The following GRK7 variants were observed in gnomAD, a reference collection of about 807,000 sequenced individuals.
The protein encoded by GRK7 is G protein-coupled receptor kinase 7.
In GRK7, 24 loss-of-function variants were observed where a neutral mutation model predicts 34.1. That is an observed-to-expected ratio of 0.70 (90% CI 0.51 to 0.99). The LOEUF is 0.99. Among genes scored for constraint, GRK7 ranks in the 50% least tolerant of loss-of-function variants. The pLI, the probability that GRK7 is intolerant of heterozygous loss-of-function variation, is 0.00. For missense variants in GRK7, 644 were observed against 707.3 expected (o/e 0.91, Z 1.02); for synonymous variants, 256 against 279.4 (o/e 0.92, Z 0.84).
chr3:141,793,856 C>T (rs951955454), intron 4 of GRK7, among the ~76,000 whole-genome samples: 3 of 152,174 alleles, frequency 2.0e-5, no homozygotes, highest in African/African-American at 7.2e-5. Flanking sequence ...TCCTTTCATG[C>T]TCTATTTTTC....
the GRK7 span, among the ~76,000 whole-genome samples, chr3:141,757,129 C>CTTT: frequency 3.3e-3 from 330 of 101,150 alleles, no homozygotes; most frequent in Non-Finnish European, 3.9e-3. Context: ...AGATCTTCTT[C>CTTT]TTTTTTTTTT....
chr3:141,792,445 G>C (rs1022494458), intron 4 of GRK7, among the ~76,000 whole-genome samples: 1 of 149,604 alleles, frequency 6.7e-6, no homozygotes, highest in African/African-American at 2.5e-5. Flanking sequence ...ATTCAAATAA[G>C]TATTAAATAT....
chr3:141,768,414 A>G (rs2084600174), intron 1 of GRK7, among the ~76,000 whole-genome samples: 1 of 151,768 alleles, frequency 6.6e-6, no homozygotes, highest in South Asian at 2.1e-4. Context: ...GGTAGCTGGG[A>G]TTACAGGCAC....
At chr3:141,791,255 A>C (rs559192266) in intron 4 of GRK7, among the ~76,000 whole-genome samples, 1 of 152,334 alleles carries the variant, frequency 6.6e-6, no homozygotes, top group South Asian at 2.1e-4. Flanking sequence ...ACCAAATACA[A>C]TGCTAGAGAC....
chr3:141,776,333 A>G (rs2084638772), intron 2 of GRK7, among the ~76,000 whole-genome samples: 1 of 152,156 alleles, frequency 6.6e-6, no homozygotes, highest in Non-Finnish European at 1.5e-5. Flanking sequence ...ATATGTATAT[A>G]TCTGTGATAT....
intron 4 of GRK7, among the ~76,000 whole-genome samples, chr3:141,789,477 G>A (rs1445273615): frequency 6.6e-6 from 1 of 152,060 alleles, no homozygotes; most frequent in Non-Finnish European, 1.5e-5. Flanking sequence ...GGCGCTCACT[G>A]GACAACTCAG....
Position 141,801,600 on chromosome 3 carries a change from A to G in GRK7, c.1051-6045A>G, listed in dbSNP as rs80123466. Among the ~76,000 whole-genome samples, 148 of 152,308 alleles carry G rather than the reference A, an allele frequency of 9.7e-4. 1 individual carries two copies. In the East Asian group the frequency reaches 0.021, roughly 21 times the overall value. Reference sequence around the variant, plus strand: ...AATTTTACTTTTAAAAGTTTATAGGACAGTTGGTATACAAATATGTCCAGA... The same window carrying G: ...AATTTTACTTTTAAAAGTTTATAGGGCAGTTGGTATACAAATATGTCCAGA... On this transcript the variant is annotated intron_variant, in intron 4 of 5. Coordinates refer to ENST00000682958, the MANE Select transcript of GRK7 (RefSeq NM_139209.3).
the GRK7 span, among the ~76,000 whole-genome samples, chr3:141,752,900 T>G: frequency 6.6e-6 from 1 of 152,176 alleles, no homozygotes; most frequent in Non-Finnish European, 1.5e-5. Context: ...AGGGACACAG[T>G]GAGAAGGCAG....
intron 4 of GRK7, among the ~76,000 whole-genome samples, chr3:141,798,303 G>A (rs912395883): frequency 2.0e-5 from 3 of 152,228 alleles, no homozygotes; most frequent in South Asian, 2.1e-4. Context: ...ACTGCCAGGC[G>A]TGCTAAACCC....
chr3:141,804,630 C>T (rs968404429), intron 4 of GRK7, among the ~76,000 whole-genome samples: 1 of 151,036 alleles, frequency 6.6e-6, no homozygotes, highest in Non-Finnish European at 1.5e-5. Flanking sequence ...CATACATACA[C>T]ACACTCACAC....
chr3:141,806,916 T>A (rs1016561254), intron 4 of GRK7, among the ~76,000 whole-genome samples: 1 of 151,810 alleles, frequency 6.6e-6, no homozygotes, highest in Admixed American at 6.6e-5. Flanking sequence ...TATAAATAGA[T>A]ATGTCTTATA....
At chr3:141,801,259 C>G (rs934811252) in intron 4 of GRK7, among the ~76,000 whole-genome samples, 26 of 135,940 alleles carry the variant, frequency 1.9e-4, no homozygotes, top group African/African-American at 7.5e-4. Flanking sequence ...TGCAGTGAGC[C>G]AAGATTGCGC....
chr3:141,770,629 A>G (rs60059388), intron 1 of GRK7, among the ~76,000 whole-genome samples: 13,096 of 152,138 alleles, frequency 0.086, 1,855 homozygotes, highest in African/African-American at 0.3. Flanking sequence ...AAGAAGACAT[A>G]TAAATGGCCA....
chr3:141,809,729 C>T (rs760749168), intron 5 of GRK7, among the ~76,000 whole-genome samples: 5 of 151,994 alleles, frequency 3.3e-5, no homozygotes, highest in Non-Finnish European at 5.9e-5. Context: ...GAAAAAAAGA[C>T]GTAAAAGTTG....
At chr3:141,780,898 C>T in intron 4 of GRK7, 87 bp downstream of exon 4, 1 of 1,200,076 alleles carries the variant, frequency 8.3e-7, no homozygotes, top group Admixed American at 2.8e-5. Flanking sequence ...GCAAATAGAG[C>T]CTTGGACTTA....
chr3:141,760,698 T>C (rs934722874), upstream of GRK7, among the ~76,000 whole-genome samples: 5 of 149,634 alleles, frequency 3.3e-5, no homozygotes, highest in Non-Finnish European at 7.4e-5. Flanking sequence ...TTGATCTGTC[T>C]AATGTTGACA....
In GRK7 at chr3:141,765,052, T is replaced by C. The variant is rs140761550; in HGVS notation, c.-901T>C. Among the ~76,000 whole-genome samples, 1,748 of 152,348 alleles carry C rather than the reference T, an allele frequency of 0.011. 14 individuals carry two copies. The highest frequency in any genetic ancestry group is 0.02 in the Middle Eastern group (6 of 294). The stretch of plus-strand genomic sequence containing the variant: ...TGATCCTGTTAAAATGTCCATCTGA[T>C]TGTTGAAAACTTCCAGTGGCTTTCC... On this transcript the variant is annotated 5_prime_UTR_variant, in exon 1 of 6. Coordinates refer to ENST00000682958, the MANE Select transcript of GRK7 (RefSeq NM_139209.3).
At chr3:141,802,981 G>A (rs1320310) in intron 4 of GRK7, among the ~76,000 whole-genome samples, 1,743 of 152,188 alleles carry the variant, frequency 0.011, 31 homozygotes, top group African/African-American at 0.04. Flanking sequence ...CAAGCATAGA[G>A]CAAAGTTGAA....
intron 4 of GRK7, among the ~76,000 whole-genome samples, chr3:141,795,521 G>A (rs1317525518): frequency 6.6e-6 from 1 of 152,144 alleles, no homozygotes; most frequent in African/African-American, 2.4e-5. Flanking sequence ...GGTGACTAAC[G>A]ATACAACTAG....
Sources: gnomAD v4.1 joint callset for allele counts (sites outside exome capture counted in the v4.1 genomes callset) on GRCh38, gnomAD v4.1.1 for gene constraint, MANE v1.5 for transcripts, NCBI Gene and HGNC (gene_info 2026-07-23, HGNC 2026-07-21) for gene names.